Variants in SYT14 observed in about 807,000 individuals in gnomAD.
SYT14 encodes the protein synaptotagmin-14.
A neutral mutation model predicts 74.2 loss-of-function variants in SYT14; 32 were observed. That is an observed-to-expected ratio of 0.43 (90% CI 0.33 to 0.58). The LOEUF is 0.58. Among genes scored for constraint, SYT14 ranks in the 20% least tolerant of loss-of-function variants. The pLI is 0.05. For synonymous variants in SYT14, 298 were observed against 337.7 expected (o/e 0.88, Z 1.29); for missense variants, 791 against 981.8 (o/e 0.81, Z 2.60).
intron 5 of SYT14, among the ~76,000 whole-genome samples, chr1:210,048,671 C>A (rs2102369400): frequency 6.6e-6 from 1 of 152,212 alleles, no homozygotes; most frequent in East Asian, 1.9e-4. Context: ...GCCCCTGGCC[C>A]CTCCCAAATC....
intron 7 of SYT14, among the ~76,000 whole-genome samples, chr1:210,105,552 T>C (rs1470878166): frequency 2.0e-5 from 3 of 152,224 alleles, no homozygotes; most frequent in African/African-American, 7.2e-5. Context: ...TCTGTTACTA[T>C]AGCATAATCT....
chr1:210,162,653 T>C, exon 10 of SYT14: 1 of 442,124 alleles, frequency 2.3e-6, no homozygotes, highest in South Asian at 1.6e-5. Flanking sequence ...TATATATTAT[T>C]GTAAACTAGA....
At chr1:209,948,110 T>G (rs1177675496) in intron 1 of SYT14, among the ~76,000 whole-genome samples, 1 of 152,232 alleles carries the variant, frequency 6.6e-6, no homozygotes, top group African/African-American at 2.4e-5. Context: ...TGTGACTTGT[T>G]TTATTGCGAT....
intron 5 of SYT14, among the ~76,000 whole-genome samples, chr1:210,055,472 T>A (rs2081077153): frequency 6.6e-6 from 1 of 152,168 alleles, no homozygotes; most frequent in African/African-American, 2.4e-5. Flanking sequence ...ATTGATGTTT[T>A]ATTGATTGAG....
At chr1:210,116,086 A>G (rs555184299) in intron 7 of SYT14, among the ~76,000 whole-genome samples, 61 of 151,902 alleles carry the variant, frequency 4.0e-4, no homozygotes, top group African/African-American at 1.5e-3. Context: ...AGGAGAAGGA[A>G]TTTCACAAGG....
intron 7 of SYT14, among the ~76,000 whole-genome samples, chr1:210,131,215 G>A (rs2082667054): frequency 1.3e-5 from 2 of 152,012 alleles, no homozygotes; most frequent in African/African-American, 2.4e-5. Flanking sequence ...TACCATCACC[G>A]CTGTGACTGT....
chr1:209,967,125 A>G (rs1302296296), intron 2 of SYT14, among the ~76,000 whole-genome samples: 2 of 152,166 alleles, frequency 1.3e-5, no homozygotes, highest in Non-Finnish European at 2.9e-5. Context: ...TACATGATGA[A>G]TCACATGTTA....
rs569522472 is a variant in SYT14, at chr1:210,064,094, T to C, written c.1313-30228T>C. Among the ~76,000 whole-genome samples the C allele has an allele frequency of 7.2e-5, 11 of 152,152 alleles. 1 individual carries two copies. The East Asian group carries it at 1.9e-3, about 27-fold the overall frequency. ...TTTAGTTTTTCACTGTGGTAAAATA[T>C]ATACGCAGCATACAATTTATCTTGT... is the stretch of plus-strand genomic sequence containing the variant. On this transcript the variant is annotated intron_variant, in intron 5 of 9. Transcript: ENST00000637265.
chr1:209,971,911 C>T (rs1417139989), intron 2 of SYT14, among the ~76,000 whole-genome samples: 1 of 152,034 alleles, frequency 6.6e-6, no homozygotes, highest in Non-Finnish European at 1.5e-5. Flanking sequence ...GAATAAGTTA[C>T]GGAGGAGTCC....
intron 2 of SYT14, among the ~76,000 whole-genome samples, chr1:209,988,812 CTGAT>C (rs1290548739): frequency 1.3e-5 from 2 of 152,172 alleles, no homozygotes; most frequent in Admixed American, 1.3e-4. Context: ...TTCCCAGCCT[CTGAT>C]TGTTTCCTTA....
chr1:209,997,013 A>G (rs1045175810), intron 2 of SYT14, among the ~76,000 whole-genome samples: 1 of 152,138 alleles, frequency 6.6e-6, no homozygotes, highest in Non-Finnish European at 1.5e-5. Context: ...CATCATACTG[A>G]GTGGGCAAAA....
chr1:209,972,427 GTTC>G (rs1229991594), intron 2 of SYT14, among the ~76,000 whole-genome samples: 17 of 151,634 alleles, frequency 1.1e-4, no homozygotes, highest in Non-Finnish European at 1.2e-4. Flanking sequence ...TGTTTTTCTC[GTTC>G]TTCTAGGTGT....
chr1:210,156,943 T>C (rs186706087), intron 8 of SYT14: 6 of 309,676 alleles, frequency 1.9e-5, no homozygotes, highest in Non-Finnish European at 3.6e-5. Context: ...ATCCATCCAC[T>C]TCGGCCTCCC....
intron 5 of SYT14, among the ~76,000 whole-genome samples, chr1:210,093,009 G>GT (rs1380900853): frequency 1.3e-5 from 2 of 152,006 alleles, no homozygotes; most frequent in Non-Finnish European, 2.9e-5. Context: ...TTGCATTTTG[G>GT]TATTTGAAAG....
chr1:210,025,032 C>T (rs2080381151), intron 5 of SYT14, among the ~76,000 whole-genome samples: 1 of 152,140 alleles, frequency 6.6e-6, no homozygotes. Context: ...ACATTTGCCG[C>T]CTTCACTTTC....
rs1446872669 is a variant in SYT14 at position 210,084,353 on chromosome 1, T to C, written c.1313-9969T>C. Reference sequence around the variant, plus strand: ...ACAAGGAATATAAATTCTCTTTGACTTTGGGAGGAATATTCTTATCATATC... The same window carrying C: ...ACAAGGAATATAAATTCTCTTTGACCTTGGGAGGAATATTCTTATCATATC... On this transcript the variant is annotated intron_variant, in intron 5 of 9. Transcript: ENST00000637265. 3.9e-5 allele frequency among the ~76,000 whole-genome samples: 6 copies of C among 152,242 alleles called. No homozygotes were observed. In the East Asian group the frequency reaches 1.2e-3, roughly 29 times the overall value.
At chr1:209,941,683 C>T (rs1480782727) in intron 1 of SYT14, among the ~76,000 whole-genome samples, 3 of 152,146 alleles carry the variant, frequency 2.0e-5, no homozygotes, top group Non-Finnish European at 4.4e-5. Flanking sequence ...ATTTAGTAAT[C>T]ACTTATTTAC....
exon 10 of SYT14, chr1:210,170,068 G>A (rs1409518399): frequency 2.0e-5 from 3 of 151,906 alleles, no homozygotes; most frequent in Non-Finnish European, 4.4e-5. Context: ...GGATATAACA[G>A]TGTGATAAAG....
chr1:210,142,608 A>G (rs1324744654), intron 7 of SYT14, among the ~76,000 whole-genome samples: 1 of 152,166 alleles, frequency 6.6e-6, no homozygotes, highest in East Asian at 1.9e-4. Context: ...CAAAATGGCC[A>G]TTCAGTTAAG....
Sources: allele counts gnomAD v4.1 joint callset (sites outside exome capture counted in the v4.1 genomes callset), GRCh38; gene constraint gnomAD v4.1.1; transcripts MANE v1.5; gene names NCBI Gene and HGNC (gene_info 2026-07-23, HGNC 2026-07-21).